The following XPO6 variants were observed in gnomAD, a reference collection of about 807,000 sequenced individuals.
XPO6 encodes the protein exportin-6.
A neutral mutation model predicts 130.0 loss-of-function variants in XPO6; 3 were observed. The ratio of observed to expected loss-of-function variants is 0.02; its 90% confidence interval spans 0.01 to 0.06. The LOEUF (loss-of-function observed/expected upper bound fraction) is 0.06. XPO6 is among the 10% of genes least tolerant of loss of function. The pLI is 1.00. For missense variants in XPO6, 970 were observed against 1,393.0 expected, an observed-to-expected ratio of 0.70 and a Z score of 4.83; for synonymous variants, 524 against 548.9, an observed-to-expected ratio of 0.95 and a Z score of 0.63.
intron 1 of XPO6, among the ~76,000 whole-genome samples, chr16:28,202,561 G>A: frequency 6.6e-6 from 1 of 152,316 alleles, no homozygotes; most frequent in Non-Finnish European, 1.5e-5. Context: ...TCTGGAAGCA[G>A]GGGGGCGCTA....
rs200047458 is a variant in XPO6 at position 28,132,357 on chromosome 16, T to C, written c.1583A>G (p.Gln528Arg). 7 of 1,609,248 alleles carry C rather than the reference T, an allele frequency of 4.3e-6. No individual in the cohort carries two copies. The East Asian group carries it at 1.6e-4, about 36-fold the overall frequency. ...ACCTGACCCTGAAGTGACTATAAAC[T>C]GTTGTAATCCCAAATAAACTTCTAA... ...DNLEVYLGLQQFIVTSGSGHR... is the reference protein window; with the variant it reads ...DNLEVYLGLQRFIVTSGSGHR... Residue 528 changes from glutamine to arginine, a missense_variant, in exon 12 of 24, where the codon CAG (glutamine) becomes CGG (arginine). Transcript: ENST00000304658. The surrounding 1 kb of genome is among the most constrained non-coding windows in gnomAD (Gnocchi z 4.0).
At chr16:28,202,047 G>T (rs984694831) in intron 1 of XPO6, among the ~76,000 whole-genome samples, 9 of 152,180 alleles carry the variant, frequency 5.9e-5, no homozygotes, top group Non-Finnish European at 2.9e-5. Flanking sequence ...TCATTTGCAA[G>T]AAAGAAAAGG....
intron 2 of XPO6, among the ~76,000 whole-genome samples, chr16:28,180,240 C>A (rs2043593944): frequency 6.6e-6 from 1 of 152,090 alleles, no homozygotes; most frequent in Non-Finnish European, 1.5e-5. Flanking sequence ...TGGTGGGCAC[C>A]TGTAATCCCA....
chr16:28,189,314 A>G (rs2043748257), intron 1 of XPO6, among the ~76,000 whole-genome samples: 1 of 150,888 alleles, frequency 6.6e-6, no homozygotes, highest in Non-Finnish European at 1.5e-5. Flanking sequence ...TTATTCCTCT[A>G]TTTAAAAAAA....
chr16:28,112,189 T>C (rs1168419829), intron 16 of XPO6, among the ~76,000 whole-genome samples, 183 bp from the exon 17 acceptor site: 3 of 152,158 alleles, frequency 2.0e-5, no homozygotes, highest in Non-Finnish European at 4.4e-5. Context: ...GAAGATGAAA[T>C]GAAGTAATAG....
At chr16:28,133,776 C>A (rs2042721720) in intron 11 of XPO6, 65 bp downstream of exon 11, 1 of 1,502,110 alleles carries the variant, frequency 6.7e-7, no homozygotes, top group South Asian at 1.2e-5. Context: ...CCAGGGGAGT[C>A]AACCAGCCAT....
chr16:28,100,709 G>A (rs2086638372), intron 23 of XPO6, among the ~76,000 whole-genome samples: 1 of 152,212 alleles, frequency 6.6e-6, no homozygotes. Flanking sequence ...AAAGTTCCCA[G>A]AAGTTCCTAT....
intron 23 of XPO6, among the ~76,000 whole-genome samples, chr16:28,100,874 G>A (rs74016643): frequency 0.051 from 7,735 of 152,228 alleles, 516 homozygotes; most frequent in East Asian, 0.17. Context: ...TGCTGCACGG[G>A]TGGGGACAGC....
At position 28,106,060 on chromosome 16, in the gene XPO6, A is replaced by G; in HGVS notation, c.2767T>C (p.Tyr923His). The G allele has an allele frequency of 1.2e-6, 2 of 1,614,028 alleles. No individual in the cohort carries two copies. Among genetic ancestry groups the G allele is most frequent in the Admixed American group, 3.3e-5 (2 of 60,016 alleles). ...GCCCCTACCTCGGCAATGATGGGAT[A>G]CACTTGCTCCATGCACAGGGCGATG... ...SIIALCMEQV[Y>H]PIIAERPSPD... Residue 923 changes from tyrosine (Y) to histidine (H), a missense_variant, in exon 20 of 24, where the codon TAT becomes CAT. Physicochemically the swap from Tyr to His is moderately conservative, Grantham distance 83. Around this residue, in one of 4 missense-constraint regions of XPO6, gnomAD observed 936 missense variants for 1,306.8 expected, o/e 0.72. Coordinates refer to ENST00000304658, the MANE Select transcript of XPO6 (RefSeq NM_015171.4). This position sits in a 1 kb window ranked among gnomAD's most constrained non-coding sequence, Gnocchi z 4.2.
chr16:28,133,719 G>A (rs1044913293), intron 11 of XPO6, 122 bp downstream of exon 11: 2 of 883,764 alleles, frequency 2.3e-6, no homozygotes, highest in African/African-American at 3.4e-5. Context: ...TAATTATTCT[G>A]TTTTTAAAAA....
chr16:28,117,183 A>C, intron 15 of XPO6, 135 bp downstream of exon 15: 1 of 1,207,396 alleles, frequency 8.3e-7, no homozygotes, highest in Non-Finnish European at 1.2e-6. Context: ...AACATGAAAT[A>C]AAACAGATGT....
Position 28,103,039 on chromosome 16 carries a change from C to G in XPO6, c.2947-1094G>C, listed in dbSNP as rs189072728. 4.7e-3 allele frequency among the ~76,000 whole-genome samples: 719 copies of G among 152,258 alleles called. 7 individuals carry two copies. Among genetic ancestry groups the G allele is most frequent in the Non-Finnish European group, 5.7e-3 (388 of 68,014 alleles). On this transcript the variant is annotated intron_variant, in intron 21 of 23. Transcript: ENST00000304658. Reference sequence around the variant, plus strand: ...TAAAGTTAGGTTCATGGAAGTATAACAGAGTAAACTTTTGAGGTTTATCTT... The same window carrying G: ...TAAAGTTAGGTTCATGGAAGTATAAGAGAGTAAACTTTTGAGGTTTATCTT...
Position 28,195,231 on chromosome 16 carries a change from T to G in XPO6, c.4-14200A>C, listed in dbSNP as rs976890365. Among the ~76,000 whole-genome samples the G allele has an allele frequency of 7.9e-5, 12 of 152,250 alleles. No individual in the cohort carries two copies. The East Asian group carries it at 1.9e-3, about 24-fold the overall frequency. Reference sequence around the variant, plus strand: ...ACCCAGCAATACACTTTTGGTGATTTTTCCTCCAAAGCTTAGGTGTAAAGG... The same window carrying G: ...ACCCAGCAATACACTTTTGGTGATTGTTCCTCCAAAGCTTAGGTGTAAAGG... On this transcript the variant is annotated intron_variant, in intron 1 of 23. Transcript: ENST00000304658.
chr16:28,157,979 C>T lies in XPO6; in HGVS notation c.644-1452G>A, dbSNP rs1050332159. On this transcript the variant is annotated intron_variant, in intron 6 of 23. Transcript: ENST00000304658. ...AGAGCTGGAGGCAGTCTGGCCTCCT[C>T]CTTGGCGGGAGAGGATAGGGAATGC... is the stretch of plus-strand genomic sequence containing the variant. 2.0e-5 allele frequency among the ~76,000 whole-genome samples: 3 copies of T among 152,186 alleles called. No individual in the cohort carries two copies. The South Asian group carries it at 6.2e-4, about 31-fold the overall frequency.
At chr16:28,178,198 T>A (rs2043561641) in intron 2 of XPO6, among the ~76,000 whole-genome samples, 1 of 152,182 alleles carries the variant, frequency 6.6e-6, no homozygotes, top group Admixed American at 6.5e-5. Context: ...ACACAGCAGC[T>A]TCTTCTAATC....
chr16:28,198,643 A>C (rs2043905617), intron 1 of XPO6, among the ~76,000 whole-genome samples: 1 of 151,986 alleles, frequency 6.6e-6, no homozygotes, highest in Admixed American at 6.6e-5. Flanking sequence ...ATCCTGATAC[A>C]AGAAAAAAAA....
In XPO6 at chr16:28,211,855, C is replaced by A. The variant is rs950436645; in HGVS notation, c.-487G>T. 8 of 185,748 alleles carry A rather than the reference C, an allele frequency of 4.3e-5. No individual in the cohort carries two copies. Among genetic ancestry groups the A allele is most frequent in the African/African-American group, 1.6e-4 (7 of 42,664 alleles). The allele number at this position is 185,748 out of a possible 1,614,324, so 11.5% of individuals were successfully genotyped here. On this transcript the variant is annotated 5_prime_UTR_variant, in exon 1 of 24. Coordinates refer to ENST00000304658, the MANE Select transcript of XPO6 (RefSeq NM_015171.4). ...CCGCGCTGTCCTCGCAGCCTCAACC[C>A]ACACGGCCACTGCCGCCGCCCCCTA... is the stretch of plus-strand genomic sequence containing the variant.
chr16:28,106,432 C>T lies in XPO6; in HGVS notation c.2563G>A (p.Val855Met). Reference protein sequence around the residue: ...LFRGLRVQMGVPFTEQIIQTF... With the variant: ...LFRGLRVQMGMPFTEQIIQTF... ...TGTATGATTTGCTCAGTGAAAGGCACACCCATCTGTACTCTAAGGCCTCGA... is the reference window on the plus strand; with the variant it reads ...TGTATGATTTGCTCAGTGAAAGGCATACCCATCTGTACTCTAAGGCCTCGA... The change falls in exon 19 of 24, where the codon GTG (valine) becomes ATG (methionine). Residue 855 changes from valine to methionine, a missense_variant. Coordinates refer to ENST00000304658, the MANE Select transcript of XPO6 (RefSeq NM_015171.4). This position sits in a 1 kb window ranked among gnomAD's most constrained non-coding sequence, Gnocchi z 4.2. 1 of 1,614,242 alleles carries T rather than the reference C, an allele frequency of 6.2e-7. No homozygotes were observed. The highest frequency in any genetic ancestry group is 8.5e-7 in the Non-Finnish European group (1 of 1,180,046).
chr16:28,120,796 T>C (rs1426260435), intron 14 of XPO6, among the ~76,000 whole-genome samples: 2 of 152,230 alleles, frequency 1.3e-5, no homozygotes, highest in Non-Finnish European at 2.9e-5. Context: ...CGGCAGACCT[T>C]TTCTGTAAAA....
Sources: gnomAD v4.1 joint callset for allele counts (sites outside exome capture counted in the v4.1 genomes callset) on GRCh38, gnomAD v4.1.1 for gene constraint, gnomAD v4.1.1 regional missense constraint, Gnocchi (gnomAD v3.1) non-coding constraint, MANE v1.5 for transcripts, NCBI Gene and HGNC (gene_info 2026-07-23, HGNC 2026-07-21) for gene names.